PARP16: variants seen among roughly 807,000 people sequenced by gnomAD.
The protein encoded by PARP16 is protein mono-ADP-ribosyltransferase PARP16.
In PARP16, 31 loss-of-function variants were observed where a neutral mutation model predicts 35.0. That is an observed-to-expected ratio of 0.88 (90% CI 0.66 to 1.19). The LOEUF is 1.19. Among genes scored for constraint, PARP16 ranks in the 50% most tolerant of loss-of-function variants. The probability of loss-of-function intolerance (pLI) is 0.00; values close to 1 mark genes in which losing one functional copy is unlikely to be tolerated. For synonymous variants in PARP16, 162 were observed against 169.5 expected, an observed-to-expected ratio of 0.96 and a Z score of 0.34; for missense variants, 424 against 411.2, an observed-to-expected ratio of 1.03 and a Z score of -0.27.
At chr15:65,236,389 C>G (rs1411713723) in intron 3 of PARP16, among the ~76,000 whole-genome samples, 2 of 152,190 alleles carry the variant, frequency 1.3e-5, no homozygotes, top group African/African-American at 2.4e-5. Context: ...ATTTTTATGA[C>G]CTGGACCAGG....
chr15:65,259,374 G>C lies in PARP16; in HGVS notation c.*33C>G. 6.2e-7 allele frequency: 1 copy of C among 1,612,292 alleles called. No individual in the cohort carries two copies. Among genetic ancestry groups the C allele is most frequent in the Non-Finnish European group, 8.5e-7 (1 of 1,178,450 alleles). On this transcript the variant is annotated 3_prime_UTR_variant, in exon 6 of 6. Coordinates refer to ENST00000649807, the MANE Select transcript of PARP16 (RefSeq NM_001316943.2). ...AGAACAAGTTACCATAAGGCACATAGTTGAGGTAGCCCCCACACCAGGCCC... is the reference window on the plus strand; with the variant it reads ...AGAACAAGTTACCATAAGGCACATACTTGAGGTAGCCCCCACACCAGGCCC...
At chr15:65,251,740 T>C (rs1036019675) in intron 2 of PARP16, among the ~76,000 whole-genome samples, 3 of 151,982 alleles carry the variant, frequency 2.0e-5, no homozygotes, top group African/African-American at 7.2e-5. Flanking sequence ...ACTAGTTGGG[T>C]CACATGCCTA....
chr15:65,271,750 A>G (rs770024907), intron 1 of PARP16, among the ~76,000 whole-genome samples: 1 of 152,210 alleles, frequency 6.6e-6, no homozygotes. Context: ...TACATGATAC[A>G]TGCACATGTG....
chr15:65,235,639 CAAAAAAA>C (rs57790733), intron 3 of PARP16, among the ~76,000 whole-genome samples: 32,782 of 83,746 alleles, frequency 0.39, 4,367 homozygotes, highest in Admixed American at 0.47. Flanking sequence ...CCTATCTCTA[CAAAAAAA>C]AAAAAAAAAA....
chr15:65,231,839 T>C (rs565751040), downstream of PARP16, among the ~76,000 whole-genome samples: 2 of 152,304 alleles, frequency 1.3e-5, no homozygotes, highest in South Asian at 2.1e-4. Flanking sequence ...TTGTTCCATA[T>C]TCCTTCTTGT....
chr15:65,249,960 C>CA lies in PARP16; in HGVS notation c.203-1733dup, dbSNP rs1239432383. On this transcript the variant is annotated intron_variant and NMD_transcript_variant, in intron 2 of 3. Transcript: ENST00000559805. ...TTGCAGGTGCCTTCTGCTCATAAAA[C>CA]AGAGCAGAGCTCACAACCCCAGTCT... Among the ~76,000 whole-genome samples the CA allele has an allele frequency of 5.9e-5, 9 of 152,296 alleles. No individual in the cohort carries two copies. The South Asian group carries it at 1.9e-3, about 32-fold the overall frequency.
intron 3 of PARP16, among the ~76,000 whole-genome samples, chr15:65,243,724 T>C (rs538814800): frequency 6.6e-6 from 1 of 152,246 alleles, no homozygotes; most frequent in East Asian, 1.9e-4. Flanking sequence ...GAGGGTTTCA[T>C]TTTATTTTTT....
intron 1 of PARP16, among the ~76,000 whole-genome samples, chr15:65,279,869 G>T (rs918976606): frequency 6.6e-6 from 1 of 151,570 alleles, no homozygotes; most frequent in African/African-American, 2.4e-5. Flanking sequence ...CTGAGGATGG[G>T]GCTCAGACGT....
downstream of PARP16, among the ~76,000 whole-genome samples, chr15:65,233,909 A>G (rs1463933313): frequency 6.6e-6 from 1 of 152,164 alleles, no homozygotes; most frequent in Non-Finnish European, 1.5e-5. Context: ...TCATCAGTGC[A>G]GTAAAAAAAT....
chr15:65,239,974 T>A (rs1255895047), intron 3 of PARP16, among the ~76,000 whole-genome samples: 1 of 142,348 alleles, frequency 7.0e-6, no homozygotes, highest in African/African-American at 2.7e-5. Flanking sequence ...TTTTTTTTTT[T>A]AAATACAGGG....
At chr15:65,276,049 A>T (rs2090243775) in intron 1 of PARP16, among the ~76,000 whole-genome samples, 1 of 152,120 alleles carries the variant, frequency 6.6e-6, no homozygotes, top group Non-Finnish European at 1.5e-5. Context: ...TCCAAGCTGG[A>T]CCCAGGCCTC....
intron 1 of PARP16, among the ~76,000 whole-genome samples, chr15:65,276,238 C>T (rs925383690): frequency 3.3e-5 from 5 of 152,218 alleles, no homozygotes; most frequent in African/African-American, 1.2e-4. Flanking sequence ...GATTCTTCCT[C>T]TTGTGACTAA....
intron 1 of PARP16, among the ~76,000 whole-genome samples, chr15:65,272,961 AG>A (rs1157730518): frequency 6.6e-6 from 1 of 152,054 alleles, no homozygotes. Flanking sequence ...CTGCTTTGCA[AG>A]GGATGTAGTT....
In PARP16 at chr15:65,276,999, T is replaced by A. The variant is rs546707042; in HGVS notation, c.175-5927A>T. Among the ~76,000 whole-genome samples the A allele has an allele frequency of 2.5e-3, 380 of 151,758 alleles. 1 individual carries two copies. The highest frequency in any genetic ancestry group is 4.6e-3 in the Non-Finnish European group (315 of 67,900). On this transcript the variant is annotated intron_variant, in intron 1 of 5. Coordinates refer to ENST00000649807, the MANE Select transcript of PARP16 (RefSeq NM_001316943.2). ...CTTCATCTAAAAAAAAAAAAAAAATTATTGGTTGCTCATCTTAAATTCAAA... is the reference window on the plus strand; with the variant it reads ...CTTCATCTAAAAAAAAAAAAAAAATAATTGGTTGCTCATCTTAAATTCAAA...
chr15:65,263,759 A>C (rs1431295085), intron 3 of PARP16, among the ~76,000 whole-genome samples: 1 of 152,214 alleles, frequency 6.6e-6, no homozygotes, highest in Admixed American at 6.5e-5. Flanking sequence ...ACATACATAA[A>C]AGAGTGGGAC....
At chr15:65,250,935 T>C (rs2089342906) in intron 2 of PARP16, among the ~76,000 whole-genome samples, 1 of 152,152 alleles carries the variant, frequency 6.6e-6, no homozygotes, top group African/African-American at 2.4e-5. Context: ...TGGTGCGATC[T>C]TGGCTCACTC....
chr15:65,283,526 T>A (rs2090483396), intron 1 of PARP16, among the ~76,000 whole-genome samples: 1 of 152,158 alleles, frequency 6.6e-6, no homozygotes, highest in Non-Finnish European at 1.5e-5. Flanking sequence ...TCCTTCTCTG[T>A]AAGCTCACAC....
At chr15:65,284,162 G>A (rs1316333766) in intron 1 of PARP16, among the ~76,000 whole-genome samples, 1 of 152,032 alleles carries the variant, frequency 6.6e-6, no homozygotes, top group Non-Finnish European at 1.5e-5. Context: ...CTATCAATGT[G>A]GTTCGTGCCA....
rs146077796 is a variant in PARP16 at position 65,274,452 on chromosome 15, C to T, written c.175-3380G>A. 3.4e-3 allele frequency among the ~76,000 whole-genome samples: 516 copies of T among 151,294 alleles called. 4 individuals carry two copies. The highest frequency in any genetic ancestry group is 7.0e-3 in the Admixed American group (107 of 15,212). ...ATTATCCAGGCGTGGTGGTGTACAC[C>T]TGTAGTCCCGGCTACTTGGGCTGAG... On this transcript the variant is annotated intron_variant, in intron 1 of 5. Coordinates refer to ENST00000649807, the MANE Select transcript of PARP16 (RefSeq NM_001316943.2).
Sources: allele counts gnomAD v4.1 joint callset (sites outside exome capture counted in the v4.1 genomes callset), GRCh38; gene constraint gnomAD v4.1.1; transcripts MANE v1.5; gene names NCBI Gene and HGNC (gene_info 2026-07-23, HGNC 2026-07-21).